Variants in RDX observed in about 807,000 individuals in gnomAD.
RDX encodes the protein deafness, autosomal recessive 24.
A neutral mutation model predicts 83.7 loss-of-function variants in RDX; 32 were observed. The observed-to-expected ratio is 0.38, with a 90% confidence interval of 0.29 to 0.51. The LOEUF is 0.51. RDX is among the 20% of genes least tolerant of loss of function. The pLI is 0.87. For missense variants in RDX, 600 were observed against 689.9 expected, an observed-to-expected ratio of 0.87 and a Z score of 1.46; for synonymous variants, 229 against 222.7, an observed-to-expected ratio of 1.03 and a Z score of -0.25.
chr11:110,285,024 G>A (rs540084627), intron 1 of RDX, among the ~76,000 whole-genome samples: 27 of 152,224 alleles, frequency 1.8e-4, no homozygotes, highest in African/African-American at 6.3e-4. Context: ...TCAGGACAAA[G>A]CTATGTATAA....
At chr11:110,211,050 T>C (rs966110399) in intron 14 of RDX, among the ~76,000 whole-genome samples, 13 of 152,208 alleles carry the variant, frequency 8.5e-5, no homozygotes, top group South Asian at 2.1e-4. Context: ...GACTGGCAAA[T>C]TGGATAAAGA....
At chr11:110,214,827 T>C (rs1453512768) in intron 14 of RDX, among the ~76,000 whole-genome samples, 1 of 92,016 alleles carries the variant, frequency 1.1e-5, no homozygotes, top group African/African-American at 4.3e-5. Flanking sequence ...AATATCACAC[T>C]CTGGGGACTG....
rs1408641137 is a variant in RDX at position 110,213,039 on chromosome 11, T to C, written c.1749-13361A>G. Among the ~76,000 whole-genome samples, 347 of 147,506 alleles carry C rather than the reference T, an allele frequency of 2.4e-3. 6 individuals carry two copies. Among genetic ancestry groups the C allele is most frequent in the Non-Finnish European group, 5.7e-4 (38 of 66,742 alleles). ...GGTATTCAATTAGGAAAAGAGGAAG[T>C]CAAATTGTCCCTGTTTGCAGACAAC... On this transcript the variant is annotated intron_variant, in intron 14 of 15. Coordinates refer to the RDX transcript ENST00000528498.
intron 2 of RDX, among the ~76,000 whole-genome samples, chr11:110,277,422 C>T (rs1023489924): frequency 1.3e-5 from 2 of 151,974 alleles, no homozygotes; most frequent in Admixed American, 6.6e-5. Flanking sequence ...TGGATTCAAG[C>T]GATTCTCCTG....
At chr11:110,256,511 G>A (rs1163210730) in intron 7 of RDX, among the ~76,000 whole-genome samples, 1 of 152,130 alleles carries the variant, frequency 6.6e-6, no homozygotes, top group Non-Finnish European at 1.5e-5. Context: ...GGTAAGCCTG[G>A]AAGCTAATAC....
At chr11:110,195,488 G>C (rs1294327449) in intron 15 of RDX, 1 of 152,238 alleles carries the variant, frequency 6.6e-6, no homozygotes, top group Non-Finnish European at 1.5e-5. Context: ...ATGGGAACCT[G>C]AGATGGGGCA....
In RDX at chr11:110,231,848, A is replaced by G. The variant is rs1333696815; in HGVS notation, c.*21T>C. ...GTTGGTGGTTCAGCTTATGAAGAAC[A>G]TATATGCAAAATAACAGCTCTCACA... On this transcript the variant is annotated 3_prime_UTR_variant, in exon 14 of 14. Coordinates refer to ENST00000645495, the MANE Select transcript of RDX (RefSeq NM_002906.4). The G allele has an allele frequency of 6.2e-7, 1 of 1,611,530 alleles. No individual in the cohort carries two copies. The highest frequency in any genetic ancestry group is 1.3e-5 in the African/African-American group (1 of 74,864).
chr11:110,208,376 C>G (rs1863682613), intron 14 of RDX, among the ~76,000 whole-genome samples: 1 of 152,196 alleles, frequency 6.6e-6, no homozygotes, highest in Non-Finnish European at 1.5e-5. Context: ...TCAGCTCTCA[C>G]AGTGGCCACC....
chr11:110,198,299 T>C (rs1360335403), intron 15 of RDX, among the ~76,000 whole-genome samples: 2 of 149,194 alleles, frequency 1.3e-5, no homozygotes, highest in Non-Finnish European at 3.0e-5. Flanking sequence ...AAAAAAAGAA[T>C]TTAAAAACCT....
chr11:110,179,834 A>G (rs1421649607), intron 15 of RDX: 2 of 404,992 alleles, frequency 4.9e-6, no homozygotes, highest in South Asian at 1.9e-5. Flanking sequence ...CAGCTATGGA[A>G]TGCCTCAGCC....
At chr11:110,209,885 G>A (rs909022265) in intron 14 of RDX, among the ~76,000 whole-genome samples, 18 of 148,164 alleles carry the variant, frequency 1.2e-4, no homozygotes, top group Non-Finnish European at 1.7e-4. Context: ...GCAAAGATGG[G>A]GAAAAAACAG....
At chr11:110,186,183 G>T (rs952567855) in intron 15 of RDX, among the ~76,000 whole-genome samples, 1 of 152,192 alleles carries the variant, frequency 6.6e-6, no homozygotes, top group African/African-American at 2.4e-5. Flanking sequence ...CAATTCACGC[G>T]TGAAGAAAAG....
chr11:110,219,619 G>A (rs1362717491), intron 14 of RDX, among the ~76,000 whole-genome samples: 1 of 152,164 alleles, frequency 6.6e-6, no homozygotes, highest in Non-Finnish European at 1.5e-5. Flanking sequence ...ACAGAATTAT[G>A]ATTGGACTGG....
chr11:110,279,777 T>A, intron 1 of RDX, 21 bp from the exon 2 acceptor site: 23 of 795,108 alleles, frequency 2.9e-5, no homozygotes, highest in Middle Eastern at 2.7e-4. Flanking sequence ...AAAAAAAGCA[T>A]AATCTATTAT....
intron 14 of RDX, among the ~76,000 whole-genome samples, chr11:110,214,999 A>G (rs1334735974): frequency 6.8e-6 from 1 of 147,846 alleles, no homozygotes; most frequent in Non-Finnish European, 1.5e-5. Context: ...AATAAAAAAA[A>G]AATGAAAAAA....
At chr11:110,291,824 T>C (rs991190013) in intron 1 of RDX, among the ~76,000 whole-genome samples, 27 of 152,148 alleles carry the variant, frequency 1.8e-4, no homozygotes, top group African/African-American at 5.1e-4. Context: ...TCTGGACTTT[T>C]AGTATGCAAG....
intron 1 of RDX, among the ~76,000 whole-genome samples, chr11:110,291,671 C>A (rs753205240): frequency 1.4e-4 from 22 of 152,104 alleles, no homozygotes; most frequent in Admixed American, 6.5e-4. Context: ...TACAGGTCCA[C>A]ACCACCGCTC....
chr11:110,273,643 G>A (rs770511619), intron 2 of RDX, among the ~76,000 whole-genome samples: 14 of 152,040 alleles, frequency 9.2e-5, no homozygotes, highest in Non-Finnish European at 1.9e-4. Context: ...AACTTAACAC[G>A]CCTTACCAAA....
chr11:110,251,888 C>T (rs1315435218), intron 9 of RDX, among the ~76,000 whole-genome samples: 1 of 145,730 alleles, frequency 6.9e-6, no homozygotes, highest in East Asian at 2.1e-4. Flanking sequence ...GGAAAGAGGT[C>T]TCTTTGCTAC....
Sources: allele counts gnomAD v4.1 joint callset (sites outside exome capture counted in the v4.1 genomes callset), GRCh38; gene constraint gnomAD v4.1.1; transcripts MANE v1.5; gene names NCBI Gene and HGNC (gene_info 2026-07-23, HGNC 2026-07-21).